TTC39B: variants seen among roughly 807,000 people sequenced by gnomAD.
TTC39B encodes tetratricopeptide repeat protein 39B.
A neutral mutation model predicts 96.6 loss-of-function variants in TTC39B; 92 were observed. That is an observed-to-expected ratio of 0.95 (90% CI 0.80 to 1.13). The LOEUF is 1.13. Ranked by LOEUF, TTC39B falls within the 50% of genes most tolerant of loss-of-function variation. The pLI is 0.00. For missense variants in TTC39B, 955 were observed against 809.3 expected, an observed-to-expected ratio of 1.18 and a Z score of -2.18; for synonymous variants, 367 against 299.4, an observed-to-expected ratio of 1.23 and a Z score of -2.33.
At chr9:15,234,261 T>C (rs1459499593) in intron 2 of TTC39B, among the ~76,000 whole-genome samples, 1 of 141,622 alleles carries the variant, frequency 7.1e-6, no homozygotes, top group African/African-American at 2.7e-5. Flanking sequence ...GGGAGGGAGG[T>C]GGGGGTCAGC....
chr9:15,272,974 A>G (rs1823410515), intron 1 of TTC39B, among the ~76,000 whole-genome samples: 1 of 152,180 alleles, frequency 6.6e-6, no homozygotes. Flanking sequence ...GATCATAGAA[A>G]CTGCCATCCT....
At chr9:15,217,383 C>A (rs1820580487) in intron 3 of TTC39B, among the ~76,000 whole-genome samples, 1 of 152,122 alleles carries the variant, frequency 6.6e-6, no homozygotes, top group African/African-American at 2.4e-5. Context: ...CACACTGTCA[C>A]CTGGGAGGAT....
intron 2 of TTC39B, among the ~76,000 whole-genome samples, chr9:15,233,723 C>A (rs1821579801): frequency 6.6e-6 from 1 of 152,212 alleles, no homozygotes; most frequent in African/African-American, 2.4e-5. Context: ...CACCTCCCAG[C>A]CGCCTGCCTT....
intron 2 of TTC39B, among the ~76,000 whole-genome samples, chr9:15,248,770 T>C (rs1822397232): frequency 6.6e-6 from 1 of 152,228 alleles, no homozygotes. Context: ...CAGCAGATGT[T>C]TGATCTCTGG....
intron 3 of TTC39B, 27 bp downstream of exon 3, chr9:15,225,890 C>A: frequency 6.2e-7 from 1 of 1,602,230 alleles, no homozygotes. Flanking sequence ...CCCTCTTCCC[C>A]CAGGAATGCC....
At chr9:15,193,953 G>A (rs372880223) in intron 8 of TTC39B, among the ~76,000 whole-genome samples, 14 of 152,246 alleles carry the variant, frequency 9.2e-5, no homozygotes, top group Non-Finnish European at 1.5e-4. Context: ...AGCTAACCTC[G>A]ATATCCAGGA....
chr9:15,224,413 C>G (rs1247916252), intron 3 of TTC39B: 1 of 152,330 alleles, frequency 6.6e-6, no homozygotes, highest in East Asian at 1.9e-4. Flanking sequence ...CTATGTAGCT[C>G]TTGTTTGAAC....
exon 20 of TTC39B, chr9:15,164,550 G>A (rs922910107): frequency 2.0e-5 from 3 of 152,068 alleles, no homozygotes; most frequent in Admixed American, 2.0e-4. Context: ...CATTTGCTTT[G>A]AGAATAAATT....
intron 2 of TTC39B, among the ~76,000 whole-genome samples, chr9:15,247,733 A>G (rs182675576): frequency 1.3e-5 from 2 of 152,278 alleles, no homozygotes; most frequent in Admixed American, 6.5e-5. Flanking sequence ...AGCAAGTACA[A>G]AATGTTAGGA....
chr9:15,253,531 T>C (rs933856616), intron 2 of TTC39B, among the ~76,000 whole-genome samples: 2 of 152,222 alleles, frequency 1.3e-5, no homozygotes, highest in Admixed American at 6.5e-5. Context: ...TCCAGAACTG[T>C]AAGAAAATAA....
intron 1 of TTC39B, among the ~76,000 whole-genome samples, chr9:15,272,164 G>A (rs955600244): frequency 1.1e-4 from 16 of 152,132 alleles, no homozygotes; most frequent in African/African-American, 3.4e-4. Context: ...TTTTCCTTGT[G>A]TGAGATTCCC....
chr9:15,198,197 G>A (rs932564725), intron 8 of TTC39B, among the ~76,000 whole-genome samples: 5 of 152,136 alleles, frequency 3.3e-5, no homozygotes, highest in African/African-American at 1.2e-4. Flanking sequence ...AGTGGCTCAT[G>A]CCTGTAATCC....
At chr9:15,208,236 G>A (rs978141739) in intron 6 of TTC39B, among the ~76,000 whole-genome samples, 2 of 151,588 alleles carry the variant, frequency 1.3e-5, no homozygotes, top group African/African-American at 4.8e-5. Context: ...TGTTGGCCAG[G>A]CTCGTCTGTA....
intron 1 of TTC39B, among the ~76,000 whole-genome samples, chr9:15,273,419 C>T (rs1475932637): frequency 6.6e-6 from 1 of 152,110 alleles, no homozygotes; most frequent in African/African-American, 2.4e-5. Context: ...TACTGTAAAT[C>T]CACAAAGCTG....
chr9:15,173,998 C>G (rs989366436), intron 19 of TTC39B, among the ~76,000 whole-genome samples: 5 of 152,148 alleles, frequency 3.3e-5, no homozygotes, highest in Admixed American at 2.6e-4. Flanking sequence ...GTCAGGAATG[C>G]TCCCTACCTA....
chr9:15,192,107 A>G (rs1818892140), intron 9 of TTC39B, among the ~76,000 whole-genome samples: 1 of 152,184 alleles, frequency 6.6e-6, no homozygotes, highest in Non-Finnish European at 1.5e-5. Context: ...ACTTCTCTTG[A>G]TCACTTTATT....
At chr9:15,279,775 G>C (rs1052399975) in intron 1 of TTC39B, among the ~76,000 whole-genome samples, 1 of 151,952 alleles carries the variant, frequency 6.6e-6, no homozygotes, top group Non-Finnish European at 1.5e-5. Flanking sequence ...TGGCTGACAT[G>C]TCCTGATGTC....
intron 1 of TTC39B, among the ~76,000 whole-genome samples, chr9:15,304,708 G>T (rs1001712264): frequency 4.1e-5 from 6 of 145,642 alleles, no homozygotes; most frequent in African/African-American, 1.5e-4. Flanking sequence ...AGAGCTGGAA[G>T]AACACTTAGG....
intron 1 of TTC39B, among the ~76,000 whole-genome samples, chr9:15,302,326 T>C (rs1824620037): frequency 6.8e-6 from 1 of 147,210 alleles, no homozygotes; most frequent in South Asian, 2.2e-4. Flanking sequence ...ACTCTGTCTT[T>C]AAAAAAAAGG....
Sources: allele counts gnomAD v4.1 joint callset (sites outside exome capture counted in the v4.1 genomes callset), GRCh38; gene constraint gnomAD v4.1.1; transcripts MANE v1.5; gene names NCBI Gene and HGNC (gene_info 2026-07-23, HGNC 2026-07-21).